The following MMP26 variants were observed in gnomAD, a reference collection of about 807,000 sequenced individuals.
MMP26 encodes matrix metalloproteinase-26.
Under a neutral mutation model 31.0 loss-of-function variants are expected in MMP26, and 33 were observed. That is an observed-to-expected ratio of 1.06 (90% confidence interval 0.81 to 1.42). The LOEUF is 1.42. Among genes scored for constraint, MMP26 ranks in the 40% most tolerant of loss-of-function variants. MMP26 has a pLI of 0.00. For missense variants in MMP26, 347 were observed against 316.1 expected, an observed-to-expected ratio of 1.10 and a Z score of -0.74; for synonymous variants, 122 against 114.9, an observed-to-expected ratio of 1.06 and a Z score of -0.40.
At chr11:4,834,701 C>T (rs1849692402) in intron 2 of MMP26, among the ~76,000 whole-genome samples, 1 of 152,090 alleles carries the variant, frequency 6.6e-6, no homozygotes, top group Admixed American at 6.6e-5. Flanking sequence ...TCTGCCATTT[C>T]CTGGCTGTGT....
intron 6 of MMP26, 123 bp downstream of exon 6, chr11:4,991,619 G>A (rs771370206): frequency 1.2e-5 from 15 of 1,235,038 alleles, no homozygotes; most frequent in Non-Finnish European, 1.6e-5. Context: ...GAGGAATCAG[G>A]TCTTCTTTAT....
At chr11:4,834,335 G>T (rs1231175189) in intron 2 of MMP26, among the ~76,000 whole-genome samples, 1 of 152,108 alleles carries the variant, frequency 6.6e-6, no homozygotes, top group South Asian at 2.1e-4. Flanking sequence ...TTTAATACCT[G>T]AGCCTCCCTA....
chr11:4,922,541 C>A (rs1019946543), intron 2 of MMP26, among the ~76,000 whole-genome samples: 2 of 152,110 alleles, frequency 1.3e-5, no homozygotes, highest in African/African-American at 4.8e-5. Context: ...TATCAAAATA[C>A]ACCAAGAAAG....
intron 2 of MMP26, among the ~76,000 whole-genome samples, chr11:4,966,770 G>A (rs1447626203): frequency 1.3e-5 from 2 of 152,286 alleles, no homozygotes; most frequent in South Asian, 2.1e-4. Flanking sequence ...TATCTTATCT[G>A]TTGAGACTTT....
chr11:4,970,987 A>G (rs939912722), intron 2 of MMP26, among the ~76,000 whole-genome samples: 7 of 152,212 alleles, frequency 4.6e-5, no homozygotes, highest in Non-Finnish European at 7.3e-5. Flanking sequence ...ATATTCAAGA[A>G]GGGAATTTCA....
At chr11:4,898,431 G>T (rs920377225) in intron 2 of MMP26, among the ~76,000 whole-genome samples, 3 of 151,840 alleles carry the variant, frequency 2.0e-5, no homozygotes, top group Admixed American at 2.0e-4. Flanking sequence ...GTTTGCTGTG[G>T]CTCTCTTCTC....
chr11:4,742,017 A>C (rs577532045), intron 1 of MMP26, among the ~76,000 whole-genome samples: 30 of 152,276 alleles, frequency 2.0e-4, no homozygotes, highest in African/African-American at 7.0e-4. Flanking sequence ...AGCAAGAGGG[A>C]GACTGTGAGA....
rs1554889595 is a variant in MMP26 at position 4,898,870 on chromosome 11, T to TGTGA, written c.-144-89195_-144-89194insAGTG. Reference sequence around the variant, plus strand: ...GTGTGTGTGTGTGTGTGTGTGTGTGTGTGTGTTCTTTCAAGAAAAACAACT... The same window carrying TGTGA: ...GTGTGTGTGTGTGTGTGTGTGTGTGTGTGAGTGTGTTCTTTCAAGAAAAACAACT... On this transcript the variant is annotated intron_variant, in intron 2 of 7. Transcript: ENST00000380390. Among the ~76,000 whole-genome samples, 300 of 144,468 alleles carry TGTGA rather than the reference T, an allele frequency of 2.1e-3. 4 individuals carry two copies. Among genetic ancestry groups the TGTGA allele is most frequent in the African/African-American group, 6.7e-3 (253 of 37,824 alleles). The allele number at this position is 144,468 out of a possible 152,430, so 94.8% of individuals were successfully genotyped here.
chr11:4,910,356 G>T (rs1249485018), intron 2 of MMP26, among the ~76,000 whole-genome samples: 2 of 151,980 alleles, frequency 1.3e-5, no homozygotes, highest in East Asian at 3.9e-4. Flanking sequence ...TGGATATTCT[G>T]CCTATGTTAA....
chr11:4,947,265 TG>T lies in MMP26; in HGVS notation c.-144-40801del, dbSNP rs1215104253. 56 of 80,796 alleles carry T rather than the reference TG, an allele frequency of 6.9e-4. 18 individuals are homozygous for T. Among genetic ancestry groups the T allele is most frequent in the Admixed American group, 2.4e-3 (8 of 3,318 alleles). 5.0% of individuals were successfully genotyped at this position (80,796 alleles called of 1,614,324 possible). On this transcript the variant is annotated intron_variant, in intron 2 of 7. Transcript: ENST00000380390. ...ATGTGGCTATCATCATGAAGAGAGA[TG>T]GTTGGTTGCTGCTTTGGACTATAAT... is the stretch of plus-strand genomic sequence containing the variant.
At chr11:4,718,562 G>A (rs1489688403) in intron 1 of MMP26, 1 of 153,116 alleles carries the variant, frequency 6.5e-6, no homozygotes, top group Non-Finnish European at 1.5e-5. Flanking sequence ...AACAAATACA[G>A]TTTATCATTG....
chr11:4,949,210 T>C lies in MMP26; in HGVS notation c.-144-38858T>C, dbSNP rs2133609578. ...AAACTGGCATCTTTTTTATCTTTAT[T>C]ATTATTTTTCCCATTGTGCTACGTT... On this transcript the variant is annotated intron_variant, in intron 2 of 7. Coordinates refer to ENST00000380390, the MANE Select transcript of MMP26 (RefSeq NM_021801.5). Among the ~76,000 whole-genome samples the C allele has an allele frequency of 1.6e-5, 2 of 124,360 alleles. 1 individual carries two copies. Among genetic ancestry groups the C allele is most frequent in the East Asian group, 4.5e-4 (2 of 4,472 alleles). The allele number at this position is 124,360 out of a possible 152,430, so 81.6% of individuals were successfully genotyped here. A position where few individuals can be genotyped will look rare whatever the true frequency, so the allele number is the denominator to read the frequency against.
At chr11:4,735,960 C>A (rs997389570) in intron 1 of MMP26, among the ~76,000 whole-genome samples, 1 of 151,966 alleles carries the variant, frequency 6.6e-6, no homozygotes, top group East Asian at 1.9e-4. Flanking sequence ...TAAGATATTT[C>A]ATTGTTCATT....
At chr11:4,957,024 T>C (rs1209689395) in intron 2 of MMP26, among the ~76,000 whole-genome samples, 1 of 152,206 alleles carries the variant, frequency 6.6e-6, no homozygotes, top group Non-Finnish European at 1.5e-5. Flanking sequence ...GATCAAGTCG[T>C]CTGTTTAAGA....
intron 1 of MMP26, among the ~76,000 whole-genome samples, chr11:4,717,006 C>T (rs1847942176): frequency 1.3e-5 from 2 of 152,246 alleles, no homozygotes; most frequent in East Asian, 3.9e-4. Context: ...TTTTATCTCA[C>T]ACTTTAGTGG....
At chr11:4,760,287 T>C (rs1362077463) in intron 1 of MMP26, among the ~76,000 whole-genome samples, 1 of 152,202 alleles carries the variant, frequency 6.6e-6, no homozygotes, top group Non-Finnish European at 1.5e-5. Flanking sequence ...AATTAATTTA[T>C]TTACCTCTTT....
chr11:4,707,763 G>T (rs977597606), intron 1 of MMP26, among the ~76,000 whole-genome samples: 1 of 152,034 alleles, frequency 6.6e-6, no homozygotes, highest in Non-Finnish European at 1.5e-5. Context: ...TAAGCACTGG[G>T]GTTTATCACT....
At chr11:4,985,512 A>C (rs1005597313) in intron 2 of MMP26, among the ~76,000 whole-genome samples, 35 of 152,036 alleles carry the variant, frequency 2.3e-4, no homozygotes, top group African/African-American at 8.0e-4. Flanking sequence ...TTATTTACCC[A>C]TGTCTTTAGC....
chr11:4,970,046 T>C (rs906895273), intron 2 of MMP26, among the ~76,000 whole-genome samples: 6 of 152,206 alleles, frequency 3.9e-5, no homozygotes, highest in African/African-American at 1.4e-4. Context: ...CTACATAACA[T>C]GTTTACATGA....
Sources: gnomAD v4.1 joint callset for allele counts (sites outside exome capture counted in the v4.1 genomes callset) on GRCh38, gnomAD v4.1.1 for gene constraint, MANE v1.5 for transcripts, NCBI Gene and HGNC (gene_info 2026-07-23, HGNC 2026-07-21) for gene names.